KCNMA1: variants seen among roughly 807,000 people sequenced by gnomAD.
The protein encoded by KCNMA1 is potassium calcium-activated channel subfamily M alpha 1.
In KCNMA1, 29 loss-of-function variants were observed where a neutral mutation model predicts 140.0. That is an observed-to-expected ratio of 0.21 (90% CI 0.15 to 0.28). KCNMA1 has a LOEUF of 0.28. Among genes scored for constraint, KCNMA1 ranks in the 10% least tolerant of loss-of-function variants. The probability of loss-of-function intolerance (pLI) is 1.00; values close to 1 mark genes in which losing one functional copy is unlikely to be tolerated. For missense variants in KCNMA1, 880 were observed against 1,602.2 expected (o/e 0.55, Z 7.70); for synonymous variants, 612 against 611.9 (o/e 1.00, Z 0.00).
At chr10:77,004,536 G>C (rs1225248682) in intron 18 of KCNMA1, among the ~76,000 whole-genome samples, 1 of 152,148 alleles carries the variant, frequency 6.6e-6, no homozygotes, top group Non-Finnish European at 1.5e-5. Context: ...GTACTGGCCA[G>C]GAAGAGCTCT....
At chr10:77,150,397 T>G (rs923594802) in intron 5 of KCNMA1, among the ~76,000 whole-genome samples, 1 of 152,214 alleles carries the variant, frequency 6.6e-6, no homozygotes, top group Non-Finnish European at 1.5e-5. Context: ...AGGAAATTTA[T>G]GTGAGCAAAG....
intron 1 of KCNMA1, among the ~76,000 whole-genome samples, chr10:77,527,585 CCT>C (rs1222187581): frequency 6.6e-6 from 1 of 152,164 alleles, no homozygotes; most frequent in Non-Finnish European, 1.5e-5. Context: ...CTGAAGGAGG[CCT>C]CTCTGTCTCT....
chr10:77,290,447 G>A (rs1601443319), intron 2 of KCNMA1, among the ~76,000 whole-genome samples: 1 of 152,138 alleles, frequency 6.6e-6, no homozygotes. Flanking sequence ...GAAGGCCTGG[G>A]GTCCCCACCA....
chr10:77,385,417 TTATAAA>T, intron 2 of KCNMA1, among the ~76,000 whole-genome samples: 1 of 152,336 alleles, frequency 6.6e-6, no homozygotes, highest in Admixed American at 6.5e-5. Context: ...ACTAAGTACT[TTATAAA>T]TATTAGGTCA....
rs200958896 is a variant in KCNMA1, at chr10:77,604,124, C to T, written c.378+33141G>A. On this transcript the variant is annotated intron_variant, in intron 1 of 27. Coordinates refer to ENST00000286628, the MANE Select transcript of KCNMA1 (RefSeq NM_001161352.2). ...TGCCCTGTGTGCAGCAGGATGCCAA[C>T]TTGTCCTGGCCCCGAGGAAGTGAAT... Among the ~76,000 whole-genome samples the T allele has an allele frequency of 1.4e-4, 21 of 152,344 alleles. No individual in the cohort carries two copies. The East Asian group carries it at 3.9e-3, about 28-fold the overall frequency.
chr10:77,294,855 G>A (rs576168807), intron 2 of KCNMA1, among the ~76,000 whole-genome samples: 3 of 152,210 alleles, frequency 2.0e-5, no homozygotes, highest in African/African-American at 7.2e-5. Context: ...GGAGGTGGAG[G>A]TTGCAGTCAG....
intron 25 of KCNMA1, among the ~76,000 whole-genome samples, chr10:76,907,783 T>C (rs1445799743): frequency 6.6e-6 from 1 of 152,136 alleles, no homozygotes; most frequent in Non-Finnish European, 1.5e-5. Context: ...TCAAGTGATC[T>C]GCCCACCTCG....
At chr10:77,435,012 G>C (rs1420460537) in intron 1 of KCNMA1, among the ~76,000 whole-genome samples, 1 of 152,146 alleles carries the variant, frequency 6.6e-6, no homozygotes, top group East Asian at 1.9e-4. Flanking sequence ...GGAGGGCAGT[G>C]GTGTGATCAT....
At chr10:77,305,413 G>A (rs540267037) in intron 2 of KCNMA1, among the ~76,000 whole-genome samples, 48 of 152,258 alleles carry the variant, frequency 3.2e-4, no homozygotes, top group African/African-American at 1.1e-3. Flanking sequence ...AAGAAACGAA[G>A]GTTGAAAAAA....
chr10:76,917,981 A>G (rs1291701464), intron 23 of KCNMA1, among the ~76,000 whole-genome samples: 2 of 152,180 alleles, frequency 1.3e-5, no homozygotes, highest in Non-Finnish European at 2.9e-5. Context: ...ATGCCATAGG[A>G]TGGTGTCCAC....
downstream of KCNMA1, chr10:76,884,664 C>T (rs2036058692): frequency 8.2e-6 from 2 of 245,314 alleles, no homozygotes; most frequent in Non-Finnish European, 1.5e-5. Flanking sequence ...TTACCCAACC[C>T]CACACCCAAG....
intron 17 of KCNMA1, among the ~76,000 whole-genome samples, chr10:77,015,265 A>AC (rs1421656063): frequency 1.3e-5 from 2 of 151,098 alleles, no homozygotes; most frequent in South Asian, 2.1e-4. Context: ...CACCACCTTG[A>AC]CCCCCCGGGT....
At chr10:77,400,099 G>A (rs1288256841) in intron 2 of KCNMA1, among the ~76,000 whole-genome samples, 1 of 152,238 alleles carries the variant, frequency 6.6e-6, no homozygotes. Context: ...ATTGTTGCAG[G>A]GATAAACATT....
At chr10:77,084,023 A>T (rs544409553) in intron 12 of KCNMA1, among the ~76,000 whole-genome samples, 1 of 152,320 alleles carries the variant, frequency 6.6e-6, no homozygotes, top group Non-Finnish European at 1.5e-5. Context: ...CTGGTCACTA[A>T]ATTCCCCTTT....
chr10:77,508,771 T>C (rs1445963397), intron 1 of KCNMA1, among the ~76,000 whole-genome samples: 1 of 152,054 alleles, frequency 6.6e-6, no homozygotes, highest in Non-Finnish European at 1.5e-5. Context: ...CATCAACCCA[T>C]GGTGAAACCC....
At chr10:77,598,308 C>T (rs1279263264) in intron 1 of KCNMA1, among the ~76,000 whole-genome samples, 1 of 152,186 alleles carries the variant, frequency 6.6e-6, no homozygotes, top group Non-Finnish European at 1.5e-5. Flanking sequence ...CTGTCAGCTC[C>T]AAGAGGGCAA....
At chr10:77,301,928 C>T (rs1042644032) in intron 2 of KCNMA1, among the ~76,000 whole-genome samples, 4 of 151,284 alleles carry the variant, frequency 2.6e-5, no homozygotes, top group Non-Finnish European at 5.9e-5. Flanking sequence ...CAAAACAAAC[C>T]CAACTAAAGC....
At chr10:77,041,735 G>A (rs2094709380) in intron 14 of KCNMA1, among the ~76,000 whole-genome samples, 1 of 152,190 alleles carries the variant, frequency 6.6e-6, no homozygotes, top group South Asian at 2.1e-4. Flanking sequence ...AGCCTCTCAG[G>A]CTTCCCTTCC....
chr10:77,205,900 A>G (rs185778661), intron 3 of KCNMA1, among the ~76,000 whole-genome samples: 62 of 152,338 alleles, frequency 4.1e-4, no homozygotes, highest in Non-Finnish European at 6.3e-4. Flanking sequence ...AGGCAATTCT[A>G]CAAAGACTAT....
Sources: gnomAD v4.1 joint callset for allele counts (sites outside exome capture counted in the v4.1 genomes callset) on GRCh38, gnomAD v4.1.1 for gene constraint, MANE v1.5 for transcripts, NCBI Gene and HGNC (gene_info 2026-07-23, HGNC 2026-07-21) for gene names.